The following RPAP2 variants were observed in gnomAD, a reference collection of about 807,000 sequenced individuals.
RPAP2 encodes RNA polymerase II associated protein 2, also known as putative RNA polymerase II subunit B1 CTD phosphatase RPAP2.
A neutral mutation model predicts 73.1 loss-of-function variants in RPAP2; 52 were observed. The observed-to-expected ratio is 0.71, with a 90% CI of 0.57 to 0.90. RPAP2 has a LOEUF of 0.90. RPAP2 is among the 40% of genes least tolerant of loss of function. The probability of loss-of-function intolerance (pLI) is 0.00; values close to 1 mark genes in which losing one functional copy is unlikely to be tolerated. For missense variants in RPAP2, 598 were observed against 701.8 expected, an observed-to-expected ratio of 0.85 and a Z score of 1.67; for synonymous variants, 225 against 242.1, an observed-to-expected ratio of 0.93 and a Z score of 0.65.
intron 6 of RPAP2, among the ~76,000 whole-genome samples, chr1:92,315,725 A>G (rs932913037): frequency 6.6e-6 from 1 of 152,198 alleles, no homozygotes; most frequent in African/African-American, 2.4e-5. Flanking sequence ...CCATACTTTT[A>G]TAAGGTTTTG....
intron 11 of RPAP2, among the ~76,000 whole-genome samples, chr1:92,360,360 G>A (rs1654676253): frequency 6.6e-6 from 1 of 152,170 alleles, no homozygotes; most frequent in Non-Finnish European, 1.5e-5. Flanking sequence ...GATTGCAAAG[G>A]CTGCTATAGT....
chr1:92,373,888 C>A (rs1655278786), intron 11 of RPAP2, among the ~76,000 whole-genome samples: 1 of 151,750 alleles, frequency 6.6e-6, no homozygotes, highest in East Asian at 1.9e-4. Flanking sequence ...CATTGTACTC[C>A]AGTCTGGGCA....
At chr1:92,335,602 A>G (rs1653236652) in intron 9 of RPAP2, among the ~76,000 whole-genome samples, 1 of 152,170 alleles carries the variant, frequency 6.6e-6, no homozygotes, top group Non-Finnish European at 1.5e-5. Context: ...TGCTTGATAT[A>G]TATGAAGTAC....
chr1:92,361,924 T>C (rs1654753001), intron 11 of RPAP2, among the ~76,000 whole-genome samples: 1 of 152,166 alleles, frequency 6.6e-6, no homozygotes, highest in African/African-American at 2.4e-5. Flanking sequence ...TGGCACTAAG[T>C]CTTTTAGTTA....
intron 9 of RPAP2, 50 bp from the exon 10 acceptor site, chr1:92,336,297 A>T: frequency 7.6e-7 from 1 of 1,317,516 alleles, no homozygotes; most frequent in South Asian, 1.3e-5. Flanking sequence ...ACCCAAAAAA[A>T]GTTTCCATAT....
At chr1:92,371,882 CCT>C (rs1348464077) in intron 11 of RPAP2, among the ~76,000 whole-genome samples, 1 of 125,910 alleles carries the variant, frequency 7.9e-6, no homozygotes, top group African/African-American at 3.2e-5. Context: ...ACAGTGAGAC[CCT>C]GTCTCAAAAA....
At chr1:92,303,633 C>CA (rs1651016199) in intron 3 of RPAP2, among the ~76,000 whole-genome samples, 1 of 151,904 alleles carries the variant, frequency 6.6e-6, no homozygotes, top group Admixed American at 6.6e-5. Context: ...AATACTTTTT[C>CA]AAAAATAAAA....
In RPAP2 at chr1:92,401,935, T is replaced by A. The variant is rs1656326131; in HGVS notation, c.*14924T>A. On this transcript the variant is annotated 3_prime_UTR_variant, in exon 13 of 13. Transcript: ENST00000610020. ...TCCTCTTTGTAAATTGCTGTATTCA[T>A]TTTAGTTTCTTCAGGATTTTGCCTA... 6.6e-6 allele frequency: 1 copy of A among 152,216 alleles called. No individual in the cohort carries two copies. Among genetic ancestry groups the A allele is most frequent in the Non-Finnish European group, 1.5e-5 (1 of 68,032 alleles). 9.4% of individuals were successfully genotyped at this position (152,216 alleles called of 1,614,324 possible). A position where few individuals can be genotyped will look rare whatever the true frequency, so the allele number is the denominator to read the frequency against.
intron 11 of RPAP2, among the ~76,000 whole-genome samples, chr1:92,351,538 A>G (rs909177601): frequency 1.3e-5 from 2 of 152,122 alleles, no homozygotes; most frequent in South Asian, 4.1e-4. Context: ...GCCATAGGAC[A>G]CATCGCTCAG....
chr1:92,300,323 CTTT>C, intron 2 of RPAP2, 84 bp downstream of exon 2: 5 of 831,618 alleles, frequency 6.0e-6, no homozygotes, highest in African/African-American at 1.8e-5. Flanking sequence ...TAATGGTTAC[CTTT>C]TTTTTTTTAG....
intron 11 of RPAP2, among the ~76,000 whole-genome samples, chr1:92,348,061 C>A (rs1329476325): frequency 6.6e-6 from 1 of 152,104 alleles, no homozygotes; most frequent in Non-Finnish European, 1.5e-5. Context: ...AGGCACCTGC[C>A]ACCATGCCCA....
At position 92,354,890 on chromosome 1, in the gene RPAP2, A is replaced by AATTATT. The variant is rs58610684; in HGVS notation, c.1688+9001_1688+9006dup. Among the ~76,000 whole-genome samples, 103 of 147,686 alleles carry AATTATT rather than the reference A, an allele frequency of 7.0e-4. 1 individual carries two copies. The highest frequency in any genetic ancestry group is 1.7e-3 in the South Asian group (8 of 4,698). ...AATAAATGCAATTTTAATTTATGTA[A>AATTATT]ATTATTATTATTATTATTATTATTA... On this transcript the variant is annotated intron_variant, in intron 11 of 12. Coordinates refer to ENST00000610020, the MANE Select transcript of RPAP2 (RefSeq NM_024813.3).
At position 92,328,138 on chromosome 1, in the gene RPAP2, A is replaced by G. The variant is rs111370870; in HGVS notation, c.1455+3763A>G. ...AACCTGATGACTATGTGCCGGGGCA[A>G]TGATCTTTTTATGATGAGTTTCCCA... On this transcript the variant is annotated intron_variant, in intron 8 of 12. Transcript: ENST00000610020. Among the ~76,000 whole-genome samples, 1,093 of 152,258 alleles carry G rather than the reference A, an allele frequency of 7.2e-3. 12 individuals carry two copies. Among genetic ancestry groups the G allele is most frequent in the African/African-American group, 0.025 (1,046 of 41,546 alleles).
chr1:92,346,374 G>C (rs370157859), intron 11 of RPAP2, among the ~76,000 whole-genome samples: 13 of 152,000 alleles, frequency 8.6e-5, no homozygotes, highest in African/African-American at 3.1e-4. Context: ...ATATTGCCCA[G>C]GCTGGTCTTG....
Position 92,389,859 on chromosome 1 carries a change from G to T in RPAP2, c.*2848G>T, listed in dbSNP as rs1207638347. The T allele has an allele frequency of 6.6e-6, 1 of 152,152 alleles. No individual in the cohort carries two copies. Among genetic ancestry groups the T allele is most frequent in the South Asian group, 2.1e-4 (1 of 4,830 alleles). 9.4% of individuals were successfully genotyped at this position (152,152 alleles called of 1,614,324 possible). On this transcript the variant is annotated 3_prime_UTR_variant, in exon 13 of 13. Transcript: ENST00000610020. The stretch of plus-strand genomic sequence containing the variant: ...AAGATTAGAGAAAAAAGAGTGAAAA[G>T]AAATGAACAAAGCCTCCAAGAAATA...
chr1:92,306,976 T>TG (rs1163959017), intron 5 of RPAP2, among the ~76,000 whole-genome samples: 3 of 152,230 alleles, frequency 2.0e-5, no homozygotes, highest in African/African-American at 7.2e-5. Context: ...TTTATGGTAG[T>TG]GGTTACTTCT....
chr1:92,342,558 C>T (rs922646721), intron 10 of RPAP2, among the ~76,000 whole-genome samples: 4 of 152,118 alleles, frequency 2.6e-5, no homozygotes, highest in Non-Finnish European at 5.9e-5. Flanking sequence ...TTTTTAACAG[C>T]ATCATTTTGG....
Position 92,398,739 on chromosome 1 carries a change from C to T in RPAP2, c.*11728C>T, listed in dbSNP as rs1656246339. 6.6e-6 allele frequency: 1 copy of T among 152,202 alleles called. No homozygotes were observed. Among genetic ancestry groups the T allele is most frequent in the South Asian group, 2.1e-4 (1 of 4,828 alleles). The allele number at this position is 152,202 out of a possible 1,614,324, so 9.4% of individuals were successfully genotyped here. ...CATGCACTCTCATCAAAGCCCTAGT[C>T]AGGAATCCCAGCCACTCCTCTCCTG... On this transcript the variant is annotated 3_prime_UTR_variant, in exon 13 of 13. Transcript: ENST00000610020.
At chr1:92,351,612 C>T (rs1654222497) in intron 11 of RPAP2, among the ~76,000 whole-genome samples, 1 of 152,090 alleles carries the variant, frequency 6.6e-6, no homozygotes, top group African/African-American at 2.4e-5. Context: ...CTTCTGTGAC[C>T]TCTGTCAGTA....
Sources: gnomAD v4.1 joint callset for allele counts (sites outside exome capture counted in the v4.1 genomes callset) on GRCh38, gnomAD v4.1.1 for gene constraint, MANE v1.5 for transcripts, NCBI Gene and HGNC (gene_info 2026-07-23, HGNC 2026-07-21) for gene names.